The following NDST4 variants were observed in gnomAD, a reference collection of about 807,000 sequenced individuals.
The protein encoded by NDST4 is N-deacetylase and N-sulfotransferase 4, also known as N-heparan sulfate sulfotransferase 4.
A neutral mutation model predicts 100.8 loss-of-function variants in NDST4; 63 were observed. That is an observed-to-expected ratio of 0.62 (90% CI 0.51 to 0.77). The LOEUF (loss-of-function observed/expected upper bound fraction) is 0.77, where lower values mean the gene tolerates loss of function less well. Among genes scored for constraint, NDST4 ranks in the 30% least tolerant of loss-of-function variants. The pLI is 0.00. For missense variants in NDST4, 943 were observed against 1,018.4 expected (o/e 0.93, Z 1.01); for synonymous variants, 377 against 361.8 (o/e 1.04, Z -0.48).
At chr4:115,025,178 T>C (rs1727956482) in intron 2 of NDST4, among the ~76,000 whole-genome samples, 1 of 152,134 alleles carries the variant, frequency 6.6e-6, no homozygotes, top group Non-Finnish European at 1.5e-5. Flanking sequence ...GACCTCACTG[T>C]ATTGGACAAG....
At chr4:114,931,915 A>C (rs1371895559) in intron 6 of NDST4, among the ~76,000 whole-genome samples, 3 of 151,896 alleles carry the variant, frequency 2.0e-5, no homozygotes, top group East Asian at 3.8e-4. Context: ...TAAAAAAAAA[A>C]ATTAGAGAAT....
chr4:115,045,772 T>C (rs1728452442), intron 2 of NDST4, among the ~76,000 whole-genome samples: 1 of 152,216 alleles, frequency 6.6e-6, no homozygotes, highest in African/African-American at 2.4e-5. Context: ...GGGAATATAA[T>C]AGCAAGTGAG....
chr4:114,836,904 G>A (rs761654778), intron 11 of NDST4, among the ~76,000 whole-genome samples: 4 of 151,984 alleles, frequency 2.6e-5, no homozygotes, highest in Non-Finnish European at 4.4e-5. Context: ...CTGCTTGATC[G>A]ATTCGGCTAT....
chr4:115,092,131 C>T (rs554176726), intron 1 of NDST4, among the ~76,000 whole-genome samples: 3 of 152,112 alleles, frequency 2.0e-5, no homozygotes, highest in East Asian at 1.9e-4. Context: ...AAATATTGCA[C>T]GACCAGCCTG....
chr4:115,040,298 C>T, intron 2 of NDST4, among the ~76,000 whole-genome samples: 1 of 147,916 alleles, frequency 6.8e-6, no homozygotes, highest in East Asian at 2.0e-4. Context: ...AGGTACTATT[C>T]CAAGGGCCTT....
intron 6 of NDST4, among the ~76,000 whole-genome samples, chr4:114,889,703 G>A (rs1724553079): frequency 6.6e-6 from 1 of 152,206 alleles, no homozygotes; most frequent in South Asian, 2.1e-4. Context: ...TAAAGCAGCT[G>A]CGCCTTTCAG....
intron 2 of NDST4, among the ~76,000 whole-genome samples, chr4:115,010,920 C>T (rs1470395375): frequency 6.6e-6 from 1 of 151,900 alleles, no homozygotes; most frequent in East Asian, 1.9e-4. Flanking sequence ...AATTTATAAC[C>T]ATTTGATTAA....
chr4:114,986,832 A>ATATATATATTTTTTT, intron 2 of NDST4, among the ~76,000 whole-genome samples: 16 of 94,662 alleles, frequency 1.7e-4, no homozygotes, highest in South Asian at 4.2e-4. Flanking sequence ...ATATATATAT[A>ATATATATATTTTTTT]TTTTAATATA....
chr4:115,059,971 G>A (rs2126282882), intron 2 of NDST4, among the ~76,000 whole-genome samples: 1 of 152,000 alleles, frequency 6.6e-6, no homozygotes, highest in African/African-American at 2.4e-5. Flanking sequence ...CTGCAACCCT[G>A]TTATTTTTAA....
At chr4:115,024,453 G>C (rs145010136) in intron 2 of NDST4, among the ~76,000 whole-genome samples, 1 of 151,992 alleles carries the variant, frequency 6.6e-6, no homozygotes, top group Non-Finnish European at 1.5e-5. Context: ...TTTTTTCCCT[G>C]TTGGGTTTTG....
In NDST4 at chr4:115,056,742, CAGTTT is replaced by C. The variant is rs1478692837; in HGVS notation, c.978+19312_978+19316del. Among the ~76,000 whole-genome samples, 5 of 152,118 alleles carry C rather than the reference CAGTTT, an allele frequency of 3.3e-5. No individual in the cohort carries two copies. The East Asian group carries it at 9.6e-4, about 29-fold the overall frequency. On this transcript the variant is annotated intron_variant, in intron 2 of 13. Coordinates refer to ENST00000264363, the MANE Select transcript of NDST4 (RefSeq NM_022569.3). ...TATTTATTTTTTACTATGATTTAAG[CAGTTT>C]ATAGACTGTCAAGACCATGACTCTT...
At chr4:114,897,439 ACT>A (rs1395084654) in intron 6 of NDST4, among the ~76,000 whole-genome samples, 1 of 152,132 alleles carries the variant, frequency 6.6e-6, no homozygotes, top group Non-Finnish European at 1.5e-5. Context: ...ATAATATTTT[ACT>A]GTCTTTATTT....
At chr4:114,940,602 G>A (rs984354482) in intron 4 of NDST4, among the ~76,000 whole-genome samples, 4 of 152,150 alleles carry the variant, frequency 2.6e-5, no homozygotes, top group African/African-American at 7.2e-5. Flanking sequence ...TAGTTGCACT[G>A]TGCTCTTTTA....
intron 6 of NDST4, among the ~76,000 whole-genome samples, chr4:114,915,444 T>G (rs934301412): frequency 1.3e-5 from 2 of 152,196 alleles, no homozygotes; most frequent in African/African-American, 4.8e-5. Flanking sequence ...ATTCATTCCT[T>G]TTTAATAATA....
chr4:114,884,925 T>C (rs1477222341), intron 6 of NDST4, among the ~76,000 whole-genome samples: 2 of 152,178 alleles, frequency 1.3e-5, no homozygotes, highest in African/African-American at 4.8e-5. Flanking sequence ...CCGACTCTAT[T>C]GTGAGATAGT....
At chr4:114,963,482 T>G (rs1462521999) in intron 4 of NDST4, among the ~76,000 whole-genome samples, 1 of 152,180 alleles carries the variant, frequency 6.6e-6, no homozygotes, top group African/African-American at 2.4e-5. Flanking sequence ...AATGAGTTGA[T>G]GAAAATGTTC....
chr4:114,856,933 G>C (rs1578346585), intron 7 of NDST4, among the ~76,000 whole-genome samples: 1 of 152,204 alleles, frequency 6.6e-6, no homozygotes, highest in Non-Finnish European at 1.5e-5. Context: ...CTACTGCTAA[G>C]AGGTAGCACA....
At chr4:114,950,360 T>C (rs1022646234) in intron 4 of NDST4, among the ~76,000 whole-genome samples, 1 of 152,100 alleles carries the variant, frequency 6.6e-6, no homozygotes, top group African/African-American at 2.4e-5. Context: ...GTAGGTCACC[T>C]ATAGTAACTG....
chr4:114,977,078 A>G (rs1726655050), intron 3 of NDST4, 109 bp downstream of exon 3: 1 of 685,498 alleles, frequency 1.5e-6, no homozygotes, highest in East Asian at 2.8e-5. Context: ...AATGTGCCCA[A>G]GTTTTTCCCA....
Sources: allele counts gnomAD v4.1 joint callset (sites outside exome capture counted in the v4.1 genomes callset), GRCh38; gene constraint gnomAD v4.1.1; transcripts MANE v1.5; gene names NCBI Gene and HGNC (gene_info 2026-07-23, HGNC 2026-07-21).